CD80: variants seen among roughly 807,000 people sequenced by gnomAD.
CD80 encodes T-lymphocyte activation antigen CD80.
A neutral mutation model predicts 27.1 loss-of-function variants in CD80; 13 were observed. The observed-to-expected ratio is 0.48, with a 90% CI of 0.31 to 0.76. The LOEUF is 0.76. CD80 is among the 30% of genes least tolerant of loss of function. The pLI is 0.04. For missense variants in CD80, 277 were observed against 347.9 expected, an observed-to-expected ratio of 0.80 and a Z score of 1.62; for synonymous variants, 125 against 125.5, an observed-to-expected ratio of 1.00 and a Z score of 0.03.
rs780998816 is a variant in CD80 at position 119,537,124 on chromosome 3, C to A, written c.700+13G>T. ...TCGATATAGTAGAAACTCCCCAGAACAATGTCACTTACTTGTATTCCAGTT... is the reference window on the plus strand; with the variant it reads ...TCGATATAGTAGAAACTCCCCAGAAAAATGTCACTTACTTGTATTCCAGTT... On this transcript the variant is annotated intron_variant, in intron 4 of 6. Coordinates refer to ENST00000264246, the MANE Select transcript of CD80 (RefSeq NM_005191.4). 203 of 1,607,252 alleles carry A rather than the reference C, an allele frequency of 1.3e-4. 1 individual carries two copies. The highest frequency in any genetic ancestry group is 1.7e-4 in the Non-Finnish European group (201 of 1,174,354).
In CD80 at chr3:119,537,387, A is replaced by C. The variant is rs1011902021; in HGVS notation, c.450T>G (p.Phe150Leu). ...TTCTAATATTAGAAGTTGGAATTTC[A>C]AAGTCAGATATACTAGGTGTAGGGA... ...ADFPTPSISD[F>L]EIPTSNIRRI... Residue 150 changes from phenylalanine (F) to leucine (L), a missense_variant, in exon 4 of 7, where the codon TTT becomes TTG. Physicochemically the swap from Phe to Leu is conservative, Grantham distance 22 (BLOSUM62 0). Coordinates refer to ENST00000264246, the MANE Select transcript of CD80 (RefSeq NM_005191.4). 1.7e-5 allele frequency: 28 copies of C among 1,611,174 alleles called. No individual in the cohort carries two copies. Among genetic ancestry groups the C allele is most frequent in the Non-Finnish European group, 2.3e-5 (27 of 1,177,290 alleles).
chr3:119,533,957 G>A (rs2082122997), intron 4 of CD80, among the ~76,000 whole-genome samples: 1 of 152,042 alleles, frequency 6.6e-6, no homozygotes, highest in Non-Finnish European at 1.5e-5. Flanking sequence ...TCCCCACACA[G>A]TCCAATTAAT....
At chr3:119,528,678 C>A (rs1229122938) in intron 5 of CD80, among the ~76,000 whole-genome samples, 1 of 152,094 alleles carries the variant, frequency 6.6e-6, no homozygotes, top group Non-Finnish European at 1.5e-5. Context: ...AGTCCCAGCA[C>A]TTTGGGAAGC....
intron 2 of CD80, among the ~76,000 whole-genome samples, chr3:119,556,658 T>A (rs2082266471): frequency 6.6e-6 from 1 of 152,198 alleles, no homozygotes; most frequent in Non-Finnish European, 1.5e-5. Context: ...TCCTCTTCTC[T>A]TCCCTCTACC....
chr3:119,531,026 A>G (rs1014101454), intron 4 of CD80, among the ~76,000 whole-genome samples: 1 of 152,282 alleles, frequency 6.6e-6, no homozygotes, highest in Non-Finnish European at 1.5e-5. Flanking sequence ...CTAGATTATG[A>G]AGAGATTCTC....
chr3:119,529,669 T>A lies in CD80; in HGVS notation c.796+173A>T, dbSNP rs544725992. Among the ~76,000 whole-genome samples the A allele has an allele frequency of 7.9e-5, 12 of 152,254 alleles. No homozygotes were observed. In the South Asian group the frequency reaches 2.5e-3, roughly 32 times the overall value. ...ACACGTAGGAGGTGTCCGGAAAATGTCCAGTGAATGAACAGAACTTGTTGA... is the reference window on the plus strand; with the variant it reads ...ACACGTAGGAGGTGTCCGGAAAATGACCAGTGAATGAACAGAACTTGTTGA... On this transcript the variant is annotated intron_variant, in intron 5 of 6. Coordinates refer to ENST00000264246, the MANE Select transcript of CD80 (RefSeq NM_005191.4).
At chr3:119,537,514 G>A (rs569583274) in intron 3 of CD80, 96 bp from the exon 4 acceptor site, 2 of 898,728 alleles carry the variant, frequency 2.2e-6, no homozygotes, top group Non-Finnish European at 3.3e-6. Flanking sequence ...AATAAGAATT[G>A]ATAAAGGCCA....
At chr3:119,548,424 C>A (rs2082212573) in intron 2 of CD80, among the ~76,000 whole-genome samples, 1 of 152,110 alleles carries the variant, frequency 6.6e-6, no homozygotes, top group Non-Finnish European at 1.5e-5. Flanking sequence ...CCTGAGAAGA[C>A]CTGAATATAA....
chr3:119,526,517 GT>G (rs1474898267), intron 6 of CD80, among the ~76,000 whole-genome samples: 6 of 152,150 alleles, frequency 3.9e-5, no homozygotes, highest in Non-Finnish European at 5.9e-5. Flanking sequence ...GGGAAAATAT[GT>G]GTAGGCTGCC....
intron 3 of CD80, among the ~76,000 whole-genome samples, chr3:119,538,468 C>T (rs1261661983): frequency 6.6e-6 from 1 of 152,196 alleles, no homozygotes; most frequent in Non-Finnish European, 1.5e-5. Flanking sequence ...ATGATGTCAC[C>T]TATCCTGTCC....
In CD80 at chr3:119,537,431, C is replaced by A; in HGVS notation, c.419-13G>T. Reference sequence around the variant, plus strand: ...GTAGGGAAGTCAGCTAAAGAAAGAACAAGAATATATAATTACGTATAGTTA... The same window carrying A: ...GTAGGGAAGTCAGCTAAAGAAAGAAAAAGAATATATAATTACGTATAGTTA... On this transcript the variant is annotated splice_polypyrimidine_tract_variant and intron_variant, in intron 3 of 6. Transcript: ENST00000264246. 2 of 1,543,524 alleles carry A rather than the reference C, an allele frequency of 1.3e-6. No homozygotes were observed. Among genetic ancestry groups the A allele is most frequent in the Non-Finnish European group, 1.8e-6 (2 of 1,118,440 alleles).
At chr3:119,550,867 A>G (rs2082227492) in intron 2 of CD80, among the ~76,000 whole-genome samples, 1 of 152,124 alleles carries the variant, frequency 6.6e-6, no homozygotes, top group Admixed American at 6.5e-5. Context: ...CTTTGCTCAC[A>G]TCTACTCTCG....
chr3:119,533,056 T>C (rs930879492), intron 4 of CD80, among the ~76,000 whole-genome samples: 1 of 152,258 alleles, frequency 6.6e-6, no homozygotes, highest in Non-Finnish European at 1.5e-5. Flanking sequence ...GCTGTTATCC[T>C]GGGAGTCTAG....
chr3:119,527,896 C>T, intron 5 of CD80, 55 bp from the exon 6 acceptor site: 1 of 1,457,178 alleles, frequency 6.9e-7, no homozygotes. Context: ...TTGAATTGTG[C>T]CCATATGTTA....
intron 2 of CD80, among the ~76,000 whole-genome samples, chr3:119,549,075 C>T (rs1228189305): frequency 6.6e-6 from 1 of 151,750 alleles, no homozygotes; most frequent in African/African-American, 2.4e-5. Context: ...AAACAGAGTC[C>T]CTTTCTTTCC....
intron 5 of CD80, among the ~76,000 whole-genome samples, chr3:119,529,323 C>T (rs1233876550): frequency 6.6e-6 from 1 of 152,060 alleles, no homozygotes; most frequent in Non-Finnish European, 1.5e-5. Flanking sequence ...TTGCCCTCCT[C>T]CAAGAAAATG....
chr3:119,556,645 A>C (rs1336219083), intron 2 of CD80, among the ~76,000 whole-genome samples: 1 of 152,196 alleles, frequency 6.6e-6, no homozygotes, highest in Admixed American at 6.5e-5. Flanking sequence ...GTGGGCCCCC[A>C]ACTCCTCTTC....
intron 6 of CD80, 48 bp downstream of exon 6, chr3:119,527,685 T>C: frequency 8.7e-7 from 1 of 1,144,678 alleles, no homozygotes; most frequent in Non-Finnish European, 1.3e-6. Flanking sequence ...GAAGAATGCC[T>C]CATGATCCCC....
intron 4 of CD80, among the ~76,000 whole-genome samples, chr3:119,533,971 A>G (rs1435385615): frequency 6.6e-6 from 1 of 152,164 alleles, no homozygotes; most frequent in African/African-American, 2.4e-5. Flanking sequence ...AATTAATGAG[A>G]TTTGAGACAT....
Sources: allele counts gnomAD v4.1 joint callset (sites outside exome capture counted in the v4.1 genomes callset), GRCh38; gene constraint gnomAD v4.1.1; transcripts MANE v1.5; gene names NCBI Gene and HGNC (gene_info 2026-07-23, HGNC 2026-07-21).